POC1A: variants seen among roughly 807,000 people sequenced by gnomAD.
The protein encoded by POC1A is POC1 centriolar protein homolog A.
In POC1A, 34 loss-of-function variants were observed where a neutral mutation model predicts 47.8. The observed-to-expected ratio is 0.71, with a 90% CI of 0.54 to 0.95. The LOEUF (loss-of-function observed/expected upper bound fraction) is 0.95, where lower values mean the gene tolerates loss of function less well. Ranked by LOEUF, POC1A falls within the 40% of genes least tolerant of loss-of-function variation. The pLI, the probability that POC1A is intolerant of heterozygous loss-of-function variation, is 0.00. For missense variants in POC1A, 466 were observed against 528.3 expected (o/e 0.88, Z 1.16); for synonymous variants, 177 against 207.6 (o/e 0.85, Z 1.27).
intron 7 of POC1A, among the ~76,000 whole-genome samples, chr3:52,135,741 C>T (rs902668733): frequency 6.6e-6 from 1 of 152,180 alleles, no homozygotes; most frequent in Admixed American, 6.5e-5. Context: ...ACACTCACAC[C>T]CCTACCTCAG....
chr3:52,089,125 C>T (rs1005231888), intron 10 of POC1A, among the ~76,000 whole-genome samples: 2 of 151,926 alleles, frequency 1.3e-5, no homozygotes, highest in Non-Finnish European at 2.9e-5. Context: ...CCTGCAAACA[C>T]GAGCTTGCCC....
chr3:52,082,249 G>A (rs537933490), intron 10 of POC1A, among the ~76,000 whole-genome samples: 9 of 152,204 alleles, frequency 5.9e-5, no homozygotes, highest in Non-Finnish European at 1.2e-4. Context: ...AGAGTCCAGC[G>A]CAGGGGAGCT....
chr3:52,120,926 G>A (rs1219543382), intron 9 of POC1A, among the ~76,000 whole-genome samples: 9 of 152,254 alleles, frequency 5.9e-5, no homozygotes, highest in Non-Finnish European at 1.3e-4. Flanking sequence ...TCCCCCAGCT[G>A]GTAGATATTA....
chr3:52,142,219 A>G (rs1013618458), intron 6 of POC1A, among the ~76,000 whole-genome samples: 4 of 152,228 alleles, frequency 2.6e-5, no homozygotes, highest in Non-Finnish European at 5.9e-5. Flanking sequence ...CACGAAGCAC[A>G]TTACAGGTTC....
chr3:52,154,327 C>G, intron 1 of POC1A, 28 bp downstream of exon 1: 2 of 1,559,700 alleles, frequency 1.3e-6, no homozygotes, highest in Non-Finnish European at 1.7e-6. Flanking sequence ...AGACTGAGGC[C>G]TGGGGAGTTG....
intron 10 of POC1A, among the ~76,000 whole-genome samples, chr3:52,092,621 G>A (rs989793287): frequency 3.3e-5 from 5 of 152,174 alleles, no homozygotes; most frequent in Admixed American, 1.3e-4. Flanking sequence ...AAACTATGAT[G>A]AGTATGTGAT....
At chr3:52,135,077 C>A (rs1306780222) in intron 7 of POC1A, among the ~76,000 whole-genome samples, 1 of 152,248 alleles carries the variant, frequency 6.6e-6, no homozygotes, top group Admixed American at 6.5e-5. Context: ...GGACTCTATA[C>A]CTGCTGCAGA....
At chr3:52,106,126 C>T (rs997892162) in intron 9 of POC1A, among the ~76,000 whole-genome samples, 4 of 130,698 alleles carry the variant, frequency 3.1e-5, no homozygotes, top group East Asian at 4.9e-4. Flanking sequence ...ACCTGGGAGG[C>T]GGAGCTTGCA....
At chr3:52,095,705 C>A (rs1285319989) in intron 10 of POC1A, among the ~76,000 whole-genome samples, 1 of 152,222 alleles carries the variant, frequency 6.6e-6, no homozygotes, top group African/African-American at 2.4e-5. Context: ...CCCCCCACCC[C>A]AAGACCACAT....
At chr3:52,131,072 C>T (rs924401129) in intron 7 of POC1A, among the ~76,000 whole-genome samples, 1 of 152,178 alleles carries the variant, frequency 6.6e-6, no homozygotes, top group African/African-American at 2.4e-5. Flanking sequence ...AGTCACTCTA[C>T]AGCGACATGC....
intron 9 of POC1A, among the ~76,000 whole-genome samples, chr3:52,114,904 C>G (rs2107059032): frequency 6.6e-6 from 1 of 152,296 alleles, no homozygotes; most frequent in South Asian, 2.1e-4. Context: ...CTCATTCACA[C>G]CGATAAAAAG....
chr3:52,077,880 G>A (rs1224482709), intron 10 of POC1A, among the ~76,000 whole-genome samples: 1 of 152,046 alleles, frequency 6.6e-6, no homozygotes, highest in Non-Finnish European at 1.5e-5. Flanking sequence ...GAGGTGCTGG[G>A]CCAACGTCAA....
chr3:52,115,855 T>C lies in POC1A; in HGVS notation c.981+6524A>G, dbSNP rs549552975. On this transcript the variant is annotated intron_variant, in intron 9 of 10. Transcript: ENST00000296484. ...CTACCTAGTCTATGGTATTTTGTTA[T>C]AGCATCCTGAGCAGACTAACACATA... Among the ~76,000 whole-genome samples the C allele has an allele frequency of 2.0e-5, 3 of 152,252 alleles. No homozygotes were observed. In the South Asian group the frequency reaches 6.2e-4, roughly 32 times the overall value.
At chr3:52,137,728 G>A (rs1421659126) in intron 7 of POC1A, among the ~76,000 whole-genome samples, 2 of 152,162 alleles carry the variant, frequency 1.3e-5, no homozygotes, top group Non-Finnish European at 1.5e-5. Flanking sequence ...CAAACATGAA[G>A]AAGACTTCCC....
At chr3:52,131,225 T>C (rs1215269832) in intron 7 of POC1A, among the ~76,000 whole-genome samples, 1 of 152,086 alleles carries the variant, frequency 6.6e-6, no homozygotes, top group African/African-American at 2.4e-5. Flanking sequence ...AAGATAAATC[T>C]GTATTTCTAG....
At chr3:52,088,500 T>C (rs920476794) in intron 10 of POC1A, among the ~76,000 whole-genome samples, 1 of 152,102 alleles carries the variant, frequency 6.6e-6, no homozygotes, top group Non-Finnish European at 1.5e-5. Context: ...ACAGAGCGCA[T>C]GGGAGGAAGC....
At chr3:52,106,324 C>A (rs1263570673) in intron 9 of POC1A, among the ~76,000 whole-genome samples, 1 of 152,114 alleles carries the variant, frequency 6.6e-6, no homozygotes, top group Non-Finnish European at 1.5e-5. Context: ...GACCTCAGGC[C>A]CCTGCCTATG....
At chr3:52,120,118 T>C (rs999247972) in intron 9 of POC1A, among the ~76,000 whole-genome samples, 10 of 152,182 alleles carry the variant, frequency 6.6e-5, no homozygotes, top group African/African-American at 2.4e-4. Context: ...AACAGTGTTA[T>C]AAAAAGTAGC....
chr3:52,145,643 C>G (rs887223386), intron 6 of POC1A, among the ~76,000 whole-genome samples: 4 of 152,178 alleles, frequency 2.6e-5, no homozygotes, highest in Non-Finnish European at 1.5e-5. Context: ...CCAGGTAGCA[C>G]CAGGCTCCAT....
Sources: gnomAD v4.1 joint callset for allele counts (sites outside exome capture counted in the v4.1 genomes callset) on GRCh38, gnomAD v4.1.1 for gene constraint, MANE v1.5 for transcripts, NCBI Gene and HGNC (gene_info 2026-07-23, HGNC 2026-07-21) for gene names.